MYO3B: variants seen among roughly 807,000 people sequenced by gnomAD.
MYO3B encodes myosin-IIIb.
In MYO3B, 156 loss-of-function variants were observed where a neutral mutation model predicts 174.6. The ratio of observed to expected loss-of-function variants is 0.89; its 90% CI spans 0.78 to 1.02. MYO3B has a LOEUF of 1.02. Among genes scored for constraint, MYO3B ranks in the 50% least tolerant of loss-of-function variants. MYO3B has a pLI of 0.00. For missense variants in MYO3B, 1,632 were observed against 1,639.4 expected, an observed-to-expected ratio of 1.00 and a Z score of 0.08; for synonymous variants, 563 against 569.1, an observed-to-expected ratio of 0.99 and a Z score of 0.15.
intron 32 of MYO3B, among the ~76,000 whole-genome samples, chr2:170,579,892 T>C (rs1443304235): frequency 6.6e-6 from 1 of 152,248 alleles, no homozygotes; most frequent in East Asian, 1.9e-4. Context: ...CTGCTCCTTG[T>C]TCAGGGGCCA....
At chr2:170,531,494 C>T (rs1165838147) in intron 30 of MYO3B, among the ~76,000 whole-genome samples, 4 of 152,160 alleles carry the variant, frequency 2.6e-5, no homozygotes, top group Non-Finnish European at 5.9e-5. Flanking sequence ...AGCACAATAT[C>T]TACCTCACCA....
intron 7 of MYO3B, among the ~76,000 whole-genome samples, chr2:170,257,138 A>G (rs1229949434): frequency 6.6e-6 from 1 of 152,130 alleles, no homozygotes; most frequent in Non-Finnish European, 1.5e-5. Context: ...ACTTAGACAC[A>G]ATAATAGCGG....
At chr2:170,516,952 C>G (rs923437563) in intron 29 of MYO3B, among the ~76,000 whole-genome samples, 14 of 152,260 alleles carry the variant, frequency 9.2e-5, no homozygotes, top group Admixed American at 4.6e-4. Flanking sequence ...CACCTTCTCT[C>G]TCTTTTTTTT....
At chr2:170,410,346 A>G (rs2094537276) in intron 22 of MYO3B, among the ~76,000 whole-genome samples, 1 of 152,088 alleles carries the variant, frequency 6.6e-6, no homozygotes, top group South Asian at 2.1e-4. Context: ...CAGGCGGATC[A>G]CAAGGTGGGT....
intron 32 of MYO3B, among the ~76,000 whole-genome samples, chr2:170,576,803 G>T (rs1692816148): frequency 6.6e-6 from 1 of 152,144 alleles, no homozygotes; most frequent in African/African-American, 2.4e-5. Flanking sequence ...AGCTTGTTGA[G>T]ATTCTTTGCC....
chr2:170,229,862 C>T (rs1261025599), intron 6 of MYO3B, among the ~76,000 whole-genome samples: 2 of 152,260 alleles, frequency 1.3e-5, no homozygotes, highest in South Asian at 2.1e-4. Flanking sequence ...GAGGGTGGAA[C>T]TCACTCCTAT....
chr2:170,521,171 T>C (rs555168996), intron 30 of MYO3B, among the ~76,000 whole-genome samples: 81 of 152,326 alleles, frequency 5.3e-4, no homozygotes, highest in African/African-American at 1.9e-3. Context: ...TAAATTAAAT[T>C]CTTAATACTC....
chr2:170,639,912 C>T (rs1697833233), intron 32 of MYO3B, among the ~76,000 whole-genome samples: 1 of 152,168 alleles, frequency 6.6e-6, no homozygotes, highest in African/African-American at 2.4e-5. Flanking sequence ...CTTATGTCTA[C>T]TTTGGGCTCA....
chr2:170,405,462 T>G (rs2094503696), intron 20 of MYO3B, 83 bp from the exon 21 acceptor site: 1 of 1,278,442 alleles, frequency 7.8e-7, no homozygotes, highest in African/African-American at 1.5e-5. Context: ...TTATTCTGAG[T>G]CATTCATGGC....
In MYO3B at chr2:170,258,888, C is replaced by T. The variant is rs77287027; in HGVS notation, c.749+22752C>T. On this transcript the variant is annotated intron_variant, in intron 7 of 34. Transcript: ENST00000408978. ...GTAAAGCTTCAGGATACAAAATTATCGTACAAAAATCAGTAGTATTTCTAT... is the reference window on the plus strand; with the variant it reads ...GTAAAGCTTCAGGATACAAAATTATTGTACAAAAATCAGTAGTATTTCTAT... Among the ~76,000 whole-genome samples, 377 of 152,160 alleles carry T rather than the reference C, an allele frequency of 2.5e-3. 2 individuals carry two copies. Among genetic ancestry groups the T allele is most frequent in the African/African-American group, 8.4e-3 (347 of 41,550 alleles).
At chr2:170,454,644 A>G (rs1683805754) in intron 23 of MYO3B, among the ~76,000 whole-genome samples, 1 of 152,240 alleles carries the variant, frequency 6.6e-6, no homozygotes, top group Non-Finnish European at 1.5e-5. Context: ...AACCACGGGC[A>G]GGTAGCCACA....
chr2:170,232,360 G>A (rs1225147915), intron 6 of MYO3B, among the ~76,000 whole-genome samples: 1 of 152,210 alleles, frequency 6.6e-6, no homozygotes, highest in African/African-American at 2.4e-5. Flanking sequence ...TCTTAAGAGT[G>A]CTTCTTTAAC....
chr2:170,602,055 T>C, intron 32 of MYO3B: 2 of 959,014 alleles, frequency 2.1e-6, no homozygotes, highest in Non-Finnish European at 3.4e-6. Flanking sequence ...CTTCAAATTT[T>C]CCTTTATCTT....
intron 8 of MYO3B, among the ~76,000 whole-genome samples, chr2:170,363,903 A>T (rs547714031): frequency 4.6e-5 from 7 of 152,312 alleles, no homozygotes; most frequent in South Asian, 4.1e-4. Flanking sequence ...AAAAAAGATT[A>T]AAAAATCCAG....
intron 32 of MYO3B, among the ~76,000 whole-genome samples, chr2:170,550,977 C>T (rs963816058): frequency 1.3e-5 from 2 of 152,180 alleles, no homozygotes; most frequent in African/African-American, 2.4e-5. Flanking sequence ...CACCTCACTG[C>T]AACCTCTGCC....
intron 7 of MYO3B, among the ~76,000 whole-genome samples, chr2:170,329,961 T>C (rs1200601808): frequency 1.3e-5 from 2 of 152,104 alleles, no homozygotes; most frequent in Admixed American, 1.3e-4. Context: ...TCTTGCTTTC[T>C]TGCTTTTATG....
chr2:170,494,700 C>T (rs1031474145), intron 25 of MYO3B, among the ~76,000 whole-genome samples: 82 of 125,326 alleles, frequency 6.5e-4, no homozygotes, highest in African/African-American at 2.3e-3. Context: ...TGTACTCCAG[C>T]CTGGGCAACA....
chr2:170,316,599 C>G (rs2093777427), intron 7 of MYO3B, among the ~76,000 whole-genome samples: 3 of 152,174 alleles, frequency 2.0e-5, no homozygotes. Context: ...AGCTAGTCAG[C>G]AGGTACTTCC....
chr2:170,327,198 C>A lies in MYO3B; in HGVS notation c.750-8187C>A, dbSNP rs540323402. ...TCAGGAGATCGAGACCATCCTGGCCCACATGGTAAAACCCTGTCTCTACTA... is the reference window on the plus strand; with the variant it reads ...TCAGGAGATCGAGACCATCCTGGCCAACATGGTAAAACCCTGTCTCTACTA... On this transcript the variant is annotated intron_variant, in intron 7 of 34. Transcript: ENST00000408978. Among the ~76,000 whole-genome samples the A allele has an allele frequency of 6.0e-4, 92 of 152,212 alleles. 1 individual carries two copies. The highest frequency in any genetic ancestry group is 1.2e-3 in the South Asian group (6 of 4,820).
Sources: gnomAD v4.1 joint callset for allele counts (sites outside exome capture counted in the v4.1 genomes callset) on GRCh38, gnomAD v4.1.1 for gene constraint, MANE v1.5 for transcripts, NCBI Gene and HGNC (gene_info 2026-07-23, HGNC 2026-07-21) for gene names.